The following SPSB4 variants were observed in gnomAD, a reference collection of about 807,000 sequenced individuals.
The protein encoded by SPSB4 is splA/ryanodine receptor domain and SOCS box containing 4.
Under a neutral mutation model 20.9 loss-of-function variants are expected in SPSB4, and 21 were observed. The ratio of observed to expected loss-of-function variants is 1.01; its 90% CI spans 0.71 to 1.45. SPSB4 has a LOEUF of 1.45. SPSB4 is among the 40% of genes most tolerant of loss of function. The pLI is 0.00. For missense variants in SPSB4, 399 were observed against 399.2 expected, an observed-to-expected ratio of 1.00 and a Z score of 0.00; for synonymous variants, 207 against 183.8, an observed-to-expected ratio of 1.13 and a Z score of -1.02.
In SPSB4 at chr3:141,147,462, C is replaced by T; in HGVS notation, c.*193C>T. 1.1e-6 allele frequency: 1 copy of T among 891,370 alleles called. No homozygotes were observed. Among genetic ancestry groups the T allele is most frequent in the Non-Finnish European group, 1.6e-6 (1 of 611,648 alleles). 55.2% of individuals were successfully genotyped at this position (891,370 alleles called of 1,614,324 possible). ...GGTCTCTTGCCAACAGTATCTACTG[C>T]CCTCGAGGCAGCCCTCCCAAGTCAG... On this transcript the variant is annotated 3_prime_UTR_variant, in exon 3 of 3. Coordinates refer to ENST00000310546, the MANE Select transcript of SPSB4 (RefSeq NM_080862.3).
At chr3:141,122,921 G>C (rs909578813) in intron 2 of SPSB4, among the ~76,000 whole-genome samples, 28 of 152,228 alleles carry the variant, frequency 1.8e-4, no homozygotes, top group African/African-American at 5.3e-4. Flanking sequence ...GCCCCGTCCT[G>C]CTTCCGCTTG....
At chr3:141,090,336 T>G (rs1328830106) in intron 2 of SPSB4, among the ~76,000 whole-genome samples, 2 of 152,108 alleles carry the variant, frequency 1.3e-5, no homozygotes, top group Non-Finnish European at 2.9e-5. Flanking sequence ...TTTTAGTAGG[T>G]GGAGACAGAA....
chr3:141,102,251 T>C (rs1938623045), intron 2 of SPSB4, among the ~76,000 whole-genome samples: 1 of 152,190 alleles, frequency 6.6e-6, no homozygotes, highest in Non-Finnish European at 1.5e-5. Flanking sequence ...GAGCAGGTAC[T>C]GTGGCCAGGC....
chr3:141,066,936 ACT>A (rs759740523), intron 2 of SPSB4, 138 bp downstream of exon 2: 29 of 842,106 alleles, frequency 3.4e-5, no homozygotes, highest in Non-Finnish European at 4.4e-5. Flanking sequence ...TTCAATCCTG[ACT>A]CTCTGCTGGC....
intron 2 of SPSB4, among the ~76,000 whole-genome samples, chr3:141,085,456 T>C (rs4683550): frequency 0.11 from 17,115 of 152,226 alleles, 1,085 homozygotes; most frequent in African/African-American, 0.15. Flanking sequence ...CCTCATTGTC[T>C]GGAATGGCTG....
At chr3:141,109,401 G>A (rs1938757411) in intron 2 of SPSB4, among the ~76,000 whole-genome samples, 1 of 152,030 alleles carries the variant, frequency 6.6e-6, no homozygotes, top group Non-Finnish European at 1.5e-5. Flanking sequence ...CAGAGAAGGT[G>A]GGGAGCAGCT....
Position 141,066,147 on chromosome 3 carries a change from C to T in SPSB4, c.43C>T (p.Arg15Ter), listed in dbSNP as rs1449352418. 2.0e-6 allele frequency: 3 copies of T among 1,532,158 alleles called. No individual in the cohort carries two copies. Among genetic ancestry groups the T allele is most frequent in the Non-Finnish European group, 2.6e-6 (3 of 1,142,216 alleles). 94.9% of individuals were successfully genotyped at this position (1,532,158 alleles called of 1,614,324 possible). Residue 15 changes from arginine (R) to a stop codon, truncating the protein, a stop_gained, in exon 2 of 3, where the codon CGA becomes TGA. Transcript: ENST00000310546. LOFTEE classifies it high-confidence loss of function. ...GGGGAGCCTCAAGTCAGTGGAGGTG[C>T]GAGAGCCGGCGCTGCGGCCGGCCAA... ...LSGSLKSVEV[R>*]EPALRPAKRE...
At chr3:141,097,395 T>C (rs1177380065) in intron 2 of SPSB4, among the ~76,000 whole-genome samples, 1 of 152,222 alleles carries the variant, frequency 6.6e-6, no homozygotes, top group Non-Finnish European at 1.5e-5. Context: ...ATTCACACAT[T>C]TCCCATATTC....
At chr3:141,134,904 A>G (rs1189880405) in intron 2 of SPSB4, among the ~76,000 whole-genome samples, 1 of 148,774 alleles carries the variant, frequency 6.7e-6, no homozygotes, top group African/African-American at 2.5e-5. Context: ...TTGCAGCAAT[A>G]TATCAATTTA....
intron 1 of SPSB4, among the ~76,000 whole-genome samples, chr3:141,059,086 C>T (rs1192716808): frequency 6.6e-6 from 1 of 152,088 alleles, no homozygotes; most frequent in Admixed American, 6.6e-5. Flanking sequence ...AGAGGAATGC[C>T]CTCAAGGTAG....
rs532766327 is a variant in SPSB4 at position 141,051,519 on chromosome 3, T to TCCCGGG, written c.-617_-612dup. On this transcript the variant is annotated 5_prime_UTR_variant, in exon 1 of 3. Transcript: ENST00000310546. The stretch of plus-strand genomic sequence containing the variant: ...AGGGGAGGGCGATGAACACACCACA[T>TCCCGGG]CCCGGGCCCGGGCCCCAGCTGCTGC... 1.3e-3 allele frequency: 188 copies of TCCCGGG among 149,654 alleles called. No homozygotes were observed. Among genetic ancestry groups the TCCCGGG allele is most frequent in the African/African-American group, 4.6e-3 (186 of 40,754 alleles). 9.3% of individuals were successfully genotyped at this position (149,654 alleles called of 1,614,324 possible). A position where few individuals can be genotyped will look rare whatever the true frequency, so the allele number is the denominator to read the frequency against.
At chr3:141,141,132 G>C (rs140970413) in intron 2 of SPSB4, among the ~76,000 whole-genome samples, 3 of 152,220 alleles carry the variant, frequency 2.0e-5, no homozygotes, top group Admixed American at 1.3e-4. Context: ...CTCCGAGCCA[G>C]GTGCGGGATA....
chr3:141,148,371 G>A lies in SPSB4; in HGVS notation c.*1102G>A, dbSNP rs771914804. The stretch of plus-strand genomic sequence containing the variant: ...GGGAGACACATTCTCTACCTGCTCC[G>A]AGCCTGGTCCTCTCGCAGGAATGCT... On this transcript the variant is annotated 3_prime_UTR_variant, in exon 3 of 3. Transcript: ENST00000310546. This position sits in a 1 kb window ranked among gnomAD's most constrained non-coding sequence, Gnocchi z 4.5. 2.6e-5 allele frequency: 4 copies of A among 153,106 alleles called. No individual in the cohort carries two copies. The highest frequency in any genetic ancestry group is 6.5e-5 in the Admixed American group (1 of 15,272). The allele number at this position is 153,106 out of a possible 1,614,324, so 9.5% of individuals were successfully genotyped here.
At chr3:141,065,538 C>T (rs1937847078) in intron 1 of SPSB4, among the ~76,000 whole-genome samples, 1 of 152,220 alleles carries the variant, frequency 6.6e-6, no homozygotes, top group Admixed American at 6.5e-5. Flanking sequence ...GTCACAACTG[C>T]TCTGGGCTCA....
intron 2 of SPSB4, 98 bp downstream of exon 2, chr3:141,066,896 G>C: frequency 8.1e-7 from 1 of 1,231,124 alleles, no homozygotes; most frequent in Non-Finnish European, 1.1e-6. Flanking sequence ...GGAGGATCCT[G>C]CAATGTGGAG....
At chr3:141,098,870 A>G (rs1180994905) in intron 2 of SPSB4, among the ~76,000 whole-genome samples, 1 of 152,178 alleles carries the variant, frequency 6.6e-6, no homozygotes, top group Non-Finnish European at 1.5e-5. Flanking sequence ...ACAGAAGTTT[A>G]TTTGTCTCAC....
At chr3:141,069,466 C>T (rs1377395629) in intron 2 of SPSB4, among the ~76,000 whole-genome samples, 2 of 152,144 alleles carry the variant, frequency 1.3e-5, no homozygotes, top group African/African-American at 2.4e-5. Context: ...GAGTTAATGT[C>T]GGTTGTGGAC....
At chr3:141,123,906 A>G (rs1023628921) in intron 2 of SPSB4, among the ~76,000 whole-genome samples, 1 of 152,212 alleles carries the variant, frequency 6.6e-6, no homozygotes, top group African/African-American at 2.4e-5. Flanking sequence ...GCAGGTTCCA[A>G]GTTAAACACA....
intron 2 of SPSB4, among the ~76,000 whole-genome samples, chr3:141,123,914 ACAGT>A (rs1420917328): frequency 2.0e-5 from 3 of 152,202 alleles, no homozygotes; most frequent in Non-Finnish European, 4.4e-5. Context: ...CAAGTTAAAC[ACAGT>A]CAGACTTTCT....
Sources: allele counts gnomAD v4.1 joint callset (sites outside exome capture counted in the v4.1 genomes callset), GRCh38; gene constraint gnomAD v4.1.1; non-coding constraint Gnocchi (gnomAD v3.1); transcripts MANE v1.5; gene names NCBI Gene and HGNC (gene_info 2026-07-23, HGNC 2026-07-21).